ANK2: variants seen among roughly 807,000 people sequenced by gnomAD.
ANK2 encodes ankyrin-2.
A neutral mutation model predicts 360.5 loss-of-function variants in ANK2; 83 were observed. The observed-to-expected ratio is 0.23, with a 90% CI of 0.19 to 0.28. ANK2 has a LOEUF of 0.28. Among genes scored for constraint, ANK2 ranks in the 10% least tolerant of loss-of-function variants. The pLI is 1.00. For missense variants in ANK2, 4,201 were observed against 4,795.7 expected, an observed-to-expected ratio of 0.88 and a Z score of 3.66; for synonymous variants, 1,740 against 1,759.5, an observed-to-expected ratio of 0.99 and a Z score of 0.28.
At chr4:112,787,491 G>A in the ANK2 span, among the ~76,000 whole-genome samples, 1 of 152,136 alleles carries the variant, frequency 6.6e-6, no homozygotes. Flanking sequence ...TCTTCTTAGG[G>A]GGTTGCTCTC....
intron 1 of ANK2, among the ~76,000 whole-genome samples, chr4:113,171,339 A>G (rs1300705084): frequency 6.6e-6 from 1 of 152,170 alleles, no homozygotes; most frequent in African/African-American, 2.4e-5. Context: ...ACCTCATTGT[A>G]GGGTACGATG....
rs907111889 is a variant in ANK2 at position 112,868,423 on chromosome 4, G to A, written c.-39-36032G>A. The stretch of plus-strand genomic sequence containing the variant: ...TGAGAGAGAGCAAGAGACAGACAGA[G>A]AGCAAATGAGCCAAACTCAGTTTTA... On this transcript the variant is annotated intron_variant, in intron 1 of 30. Coordinates refer to the ANK2 transcript ENST00000503271. Among the ~76,000 whole-genome samples, 8 of 152,200 alleles carry A rather than the reference G, an allele frequency of 5.3e-5. No homozygotes were observed. The East Asian group carries it at 9.6e-4, about 18-fold the overall frequency.
chr4:112,949,081 G>C (rs527247322), intron 2 of ANK2, among the ~76,000 whole-genome samples: 1 of 152,208 alleles, frequency 6.6e-6, no homozygotes, highest in East Asian at 1.9e-4. Flanking sequence ...GCCATTTACT[G>C]TTGGGGTCCT....
chr4:112,739,617 A>C, the ANK2 span, among the ~76,000 whole-genome samples: 1 of 152,122 alleles, frequency 6.6e-6, no homozygotes, highest in African/African-American at 2.4e-5. Flanking sequence ...CCGTCTGGGA[A>C]ACAAAAAGAG....
upstream of ANK2, among the ~76,000 whole-genome samples, chr4:113,045,534 G>T (rs2154317691): frequency 6.6e-6 from 1 of 152,278 alleles, no homozygotes; most frequent in East Asian, 1.9e-4. Context: ...CTGTACTGTG[G>T]TTGACACTAA....
chr4:113,006,778 A>G (rs2053024304), intron 2 of ANK2, among the ~76,000 whole-genome samples: 2 of 152,216 alleles, frequency 1.3e-5, no homozygotes, highest in South Asian at 4.1e-4. Context: ...TCATTTCAGC[A>G]TCTTTTGGTC....
chr4:113,053,222 C>G (rs1037388042), intron 1 of ANK2, among the ~76,000 whole-genome samples: 12 of 152,106 alleles, frequency 7.9e-5, no homozygotes, highest in South Asian at 2.1e-4. Context: ...CAGTGGCTGC[C>G]TTTCTCATTC....
At position 113,355,677 on chromosome 4, in the gene ANK2, A is replaced by G. The variant is rs145782226; in HGVS notation, c.7059A>G (p.Gln2353=). Reference sequence around the variant, plus strand: ...AGGAGGCAGCCTGTGATGAAGGTCAACGTACCTTTGGTAGTTCAGCCCACA... The same window carrying G: ...AGGAGGCAGCCTGTGATGAAGGTCAGCGTACCTTTGGTAGTTCAGCCCACA... The part of the protein sequence containing the change: ...LTEEAACDEG[Q]RTFGSSAHKT... Residue 2353 remains glutamine, a synonymous_variant, in exon 38 of 46, where the codon CAA becomes CAG. Coordinates refer to ENST00000357077, the MANE Select transcript of ANK2 (RefSeq NM_001148.6). 298 of 1,614,154 alleles carry G rather than the reference A, an allele frequency of 1.8e-4. No individual in the cohort carries two copies. In the African/African-American group the frequency reaches 3.7e-3, roughly 20 times the overall value.
At chr4:113,233,121 T>TGGCCCCACTGATAAAA (rs2099336165) in intron 5 of ANK2, among the ~76,000 whole-genome samples, 1 of 23,816 alleles carries the variant, frequency 4.2e-5, no homozygotes, top group African/African-American at 1.3e-4. Flanking sequence ...TTTTTTTTTT[T>TGGCCCCACTGATAAAA]TTTTTTTTTT....
intron 1 of ANK2, among the ~76,000 whole-genome samples, chr4:112,824,913 G>A (rs6830542): frequency 0.29 from 44,442 of 151,034 alleles, 6,666 homozygotes; most frequent in East Asian, 0.36. Flanking sequence ...AGATGATTTG[G>A]TAAAAAAACC....
chr4:112,927,660 A>G (rs1448002347), intron 2 of ANK2, among the ~76,000 whole-genome samples: 1 of 152,218 alleles, frequency 6.6e-6, no homozygotes, highest in Non-Finnish European at 1.5e-5. Context: ...AAAATCAAGT[A>G]TCTTGCAACC....
At chr4:113,168,369 A>G (rs1052619417) in intron 1 of ANK2, among the ~76,000 whole-genome samples, 7 of 152,134 alleles carry the variant, frequency 4.6e-5, no homozygotes, top group Non-Finnish European at 5.9e-5. Context: ...ACTTAAGTTT[A>G]CTCTTTCTTC....
At chr4:112,748,234 A>G in the ANK2 span, among the ~76,000 whole-genome samples, 1 of 152,234 alleles carries the variant, frequency 6.6e-6, no homozygotes. Flanking sequence ...ACAGACAAAC[A>G]TGCTTACCAT....
chr4:113,259,222 T>C (rs2051218529), intron 13 of ANK2, among the ~76,000 whole-genome samples: 1 of 152,140 alleles, frequency 6.6e-6, no homozygotes, highest in African/African-American at 2.4e-5. Context: ...GAGAACTTCT[T>C]TGCACAAGGT....
chr4:113,143,662 T>G lies in ANK2; in HGVS notation c.85-30754T>G, dbSNP rs114227235. 5.6e-3 allele frequency among the ~76,000 whole-genome samples: 848 copies of G among 152,310 alleles called. 8 individuals are homozygous for G. The highest frequency in any genetic ancestry group is 0.02 in the African/African-American group (814 of 41,580). On this transcript the variant is annotated intron_variant, in intron 1 of 45. Transcript: ENST00000357077. The stretch of plus-strand genomic sequence containing the variant: ...CATTCTTTGTTTTGGGTTTATATTC[T>G]GAATAAAATAGTTCATATATGTTCA...
chr4:113,303,780 T>G (rs941184180), intron 23 of ANK2, among the ~76,000 whole-genome samples: 1 of 152,196 alleles, frequency 6.6e-6, no homozygotes, highest in African/African-American at 2.4e-5. Context: ...ATGAACATGA[T>G]TGAAAAATTA....
intron 1 of ANK2, among the ~76,000 whole-genome samples, chr4:113,157,717 A>G (rs575093925): frequency 6.6e-6 from 1 of 152,302 alleles, no homozygotes; most frequent in Non-Finnish European, 1.5e-5. Context: ...AGCCACTCCT[A>G]TATGTCGGTC....
intron 2 of ANK2, among the ~76,000 whole-genome samples, chr4:113,032,059 C>T (rs1356090715): frequency 6.6e-6 from 1 of 151,972 alleles, no homozygotes; most frequent in Admixed American, 6.6e-5. Flanking sequence ...CCCAAACATC[C>T]CAAAAATCCT....
intron 2 of ANK2, among the ~76,000 whole-genome samples, chr4:112,925,607 A>G (rs1177926270): frequency 2.6e-5 from 4 of 152,250 alleles, no homozygotes; most frequent in African/African-American, 9.6e-5. Flanking sequence ...TAATAGTGAT[A>G]GTAAATACCT....
Sources: gnomAD v4.1 joint callset for allele counts (sites outside exome capture counted in the v4.1 genomes callset) on GRCh38, gnomAD v4.1.1 for gene constraint, MANE v1.5 for transcripts, NCBI Gene and HGNC (gene_info 2026-07-23, HGNC 2026-07-21) for gene names.